Variants in STXBP5L observed in about 807,000 individuals in gnomAD.
STXBP5L encodes syntaxin-binding protein 5-like.
Under a neutral mutation model 144.5 loss-of-function variants are expected in STXBP5L, and 65 were observed. That is an observed-to-expected ratio of 0.45 (90% CI 0.37 to 0.55). The LOEUF is 0.55. Among genes scored for constraint, STXBP5L ranks in the 20% least tolerant of loss-of-function variants. The pLI, the probability that STXBP5L is intolerant of heterozygous loss-of-function variation, is 0.00. For synonymous variants in STXBP5L, 505 were observed against 469.6 expected (o/e 1.08, Z -0.97); for missense variants, 1,298 against 1,405.5 (o/e 0.92, Z 1.22).
chr3:121,412,727 C>CAAAAAAAAAAAAAAAAAAAA (rs35247157), intron 23 of STXBP5L, among the ~76,000 whole-genome samples: 17 of 69,592 alleles, frequency 2.4e-4, no homozygotes, highest in East Asian at 4.6e-4. Flanking sequence ...TTTCTCCCTC[C>CAAAAAAAAAAAAAAAAAAAA]AAAAAAAAAA....
chr3:121,112,974 T>G (rs2044062753), intron 5 of STXBP5L, among the ~76,000 whole-genome samples: 2 of 151,678 alleles, frequency 1.3e-5, no homozygotes, highest in Admixed American at 1.3e-4. Flanking sequence ...TTTGGGGGGG[T>G]TCAGTTAAAA....
chr3:121,157,472 C>T (rs765573819), intron 8 of STXBP5L, 32 bp from the exon 9 acceptor site: 1 of 1,535,140 alleles, frequency 6.5e-7, no homozygotes, highest in Non-Finnish European at 8.7e-7. Context: ...ACTTTTTTCC[C>T]CCTCTACTTG....
intron 9 of STXBP5L, among the ~76,000 whole-genome samples, chr3:121,183,154 A>C (rs924572084): frequency 1.3e-5 from 2 of 152,228 alleles, no homozygotes; most frequent in Non-Finnish European, 2.9e-5. Context: ...AAAGTAATAA[A>C]AGCCGTCTAA....
chr3:121,210,843 A>G (rs1206023951), intron 10 of STXBP5L, among the ~76,000 whole-genome samples: 2 of 152,254 alleles, frequency 1.3e-5, no homozygotes, highest in South Asian at 2.1e-4. Flanking sequence ...GCCTTGTAGT[A>G]TAGTTTGAAG....
At chr3:121,147,893 A>C (rs2045775619) in intron 7 of STXBP5L, among the ~76,000 whole-genome samples, 1 of 152,074 alleles carries the variant, frequency 6.6e-6, no homozygotes, top group Non-Finnish European at 1.5e-5. Flanking sequence ...TTTGGACTCT[A>C]ACTGAAACAT....
At chr3:121,327,230 A>G (rs1037144876) in intron 20 of STXBP5L, among the ~76,000 whole-genome samples, 1 of 152,180 alleles carries the variant, frequency 6.6e-6, no homozygotes, top group East Asian at 1.9e-4. Flanking sequence ...GAAGTCCCCT[A>G]GACAAAACCA....
chr3:120,908,616 G>C (rs1033859491), intron 1 of STXBP5L, among the ~76,000 whole-genome samples: 1 of 151,530 alleles, frequency 6.6e-6, no homozygotes, highest in Non-Finnish European at 1.5e-5. Flanking sequence ...GCGCCTCAGC[G>C]CTGGGCCTGG....
chr3:121,305,732 CA>C (rs2043316250), intron 19 of STXBP5L, among the ~76,000 whole-genome samples: 1 of 151,890 alleles, frequency 6.6e-6, no homozygotes, highest in Non-Finnish European at 1.5e-5. Context: ...AATCAGTAAC[CA>C]GGGGAGGATG....
chr3:121,047,628 AT>A (rs1947613730), intron 5 of STXBP5L, among the ~76,000 whole-genome samples: 1 of 151,818 alleles, frequency 6.6e-6, no homozygotes, highest in African/African-American at 2.4e-5. Flanking sequence ...GTCTTTTTTG[AT>A]CTTTGTTAGC....
intron 24 of STXBP5L, among the ~76,000 whole-genome samples, chr3:121,414,163 T>G (rs371196756): frequency 2.0e-5 from 3 of 151,490 alleles, no homozygotes; most frequent in Non-Finnish European, 4.4e-5. Flanking sequence ...TTGAGTTTTT[T>G]TCTATATGCC....
chr3:121,018,190 C>T (rs1027475622), intron 3 of STXBP5L, among the ~76,000 whole-genome samples: 7 of 152,078 alleles, frequency 4.6e-5, no homozygotes, highest in Non-Finnish European at 7.4e-5. Flanking sequence ...TCAATTTAGT[C>T]CCAGCAAGTT....
At chr3:121,186,020 G>C (rs1457351538) in intron 9 of STXBP5L, among the ~76,000 whole-genome samples, 1 of 152,118 alleles carries the variant, frequency 6.6e-6, no homozygotes, top group Non-Finnish European at 1.5e-5. Flanking sequence ...CATGTCCCTT[G>C]TAAGTTGGAT....
Position 121,418,553 on chromosome 3 carries a change from A to T in STXBP5L, c.3443A>T (p.His1148Leu). 1 of 1,613,858 alleles carries T rather than the reference A, an allele frequency of 6.2e-7. No homozygotes were observed. Residue 1148 changes from histidine to leucine, a missense_variant, in exon 26 of 27, where the codon CAT becomes CTT. Coordinates refer to ENST00000471454, the MANE Select transcript of STXBP5L (RefSeq NM_001308330.2). ...GCAGAAGCATTTTCCAAACATGCAC[A>T]TGAGGTAAACTGCCTAAGTAAATAC... is the stretch of plus-strand genomic sequence containing the variant. ...TSAEAFSKHA[H>L]ELMLKYKDKK...
chr3:121,187,513 C>G (rs1023564524), intron 9 of STXBP5L, among the ~76,000 whole-genome samples: 1 of 149,476 alleles, frequency 6.7e-6, no homozygotes, highest in Non-Finnish European at 1.5e-5. Context: ...ACATATGTAA[C>G]AAACCTGCAC....
chr3:121,040,776 A>T (rs1157305851), intron 3 of STXBP5L, among the ~76,000 whole-genome samples: 1 of 152,224 alleles, frequency 6.6e-6, no homozygotes, highest in East Asian at 1.9e-4. Flanking sequence ...AACTGGGGCT[A>T]TCATAAGCCT....
intron 5 of STXBP5L, among the ~76,000 whole-genome samples, chr3:121,071,695 G>C (rs1311992482): frequency 6.6e-6 from 1 of 152,118 alleles, no homozygotes; most frequent in Non-Finnish European, 1.5e-5. Flanking sequence ...AGGTTGGAAG[G>C]GATGTACTGC....
intron 3 of STXBP5L, among the ~76,000 whole-genome samples, chr3:121,032,877 A>C (rs1946473812): frequency 1.8e-5 from 1 of 57,136 alleles, no homozygotes; most frequent in Non-Finnish European, 3.5e-5. Context: ...ATGAGATATC[A>C]TCTCACATCA....
chr3:121,267,542 A>C (rs1373563019), intron 18 of STXBP5L, among the ~76,000 whole-genome samples: 1 of 152,232 alleles, frequency 6.6e-6, no homozygotes, highest in Non-Finnish European at 1.5e-5. Flanking sequence ...AATGGTAACA[A>C]AGCCAAAATT....
At chr3:121,411,036 G>A (rs567854254) in intron 23 of STXBP5L, among the ~76,000 whole-genome samples, 42 of 152,036 alleles carry the variant, frequency 2.8e-4, no homozygotes, top group Non-Finnish European at 5.0e-4. Flanking sequence ...ACTGGGATTG[G>A]TTTGGACTCA....
Sources: allele counts gnomAD v4.1 joint callset (sites outside exome capture counted in the v4.1 genomes callset), GRCh38; gene constraint gnomAD v4.1.1; transcripts MANE v1.5; gene names NCBI Gene and HGNC (gene_info 2026-07-23, HGNC 2026-07-21).